SLC17A5: variants seen among roughly 807,000 people sequenced by gnomAD.
The protein encoded by SLC17A5 is solute carrier family 17 member 5.
Under a neutral mutation model 59.4 loss-of-function variants are expected in SLC17A5, and 47 were observed. The observed-to-expected ratio is 0.79, with a 90% CI of 0.63 to 1.01. SLC17A5 has a LOEUF of 1.01. Among genes scored for constraint, SLC17A5 ranks in the 50% least tolerant of loss-of-function variants. SLC17A5 has a pLI of 0.00. For synonymous variants in SLC17A5, 202 were observed against 210.7 expected (o/e 0.96, Z 0.36); for missense variants, 522 against 595.5 (o/e 0.88, Z 1.28).
At chr6:73,599,258 C>G (rs1219971347) in intron 10 of SLC17A5, among the ~76,000 whole-genome samples, 3 of 152,040 alleles carry the variant, frequency 2.0e-5, no homozygotes, top group Non-Finnish European at 4.4e-5. Context: ...CTCACCCAGG[C>G]TGGAGTGCAG....
Position 73,601,366 on chromosome 6 carries a change from G to T in SLC17A5, c.1260-925C>A, listed in dbSNP as rs1235961545. 1.5e-4 allele frequency among the ~76,000 whole-genome samples: 23 copies of T among 149,200 alleles called. No homozygotes were observed. The East Asian group carries it at 4.2e-3, about 27-fold the overall frequency. ...GCCCGGCAGCCACCCCGTCTGGGAA[G>T]TGAGGAGCGTCTCCGCCCGGCAGCC... On this transcript the variant is annotated intron_variant, in intron 9 of 10. Coordinates refer to ENST00000355773, the MANE Select transcript of SLC17A5 (RefSeq NM_012434.5).
chr6:73,601,539 A>G (rs867343823), intron 9 of SLC17A5, among the ~76,000 whole-genome samples: 174 of 68,420 alleles, frequency 2.5e-3, no homozygotes, highest in African/African-American at 7.9e-3. Flanking sequence ...CCGGCCAGCC[A>G]ACCCGTCCGG....
intron 6 of SLC17A5, among the ~76,000 whole-genome samples, chr6:73,632,381 C>G (rs16883979): frequency 0.16 from 22,106 of 139,912 alleles, 2,761 homozygotes; most frequent in African/African-American, 0.32. Context: ...CGAAGTGTGT[C>G]GAGAAACAAC....
At chr6:73,628,027 C>A (rs12213067) in intron 6 of SLC17A5, among the ~76,000 whole-genome samples, 1 of 151,618 alleles carries the variant, frequency 6.6e-6, no homozygotes, top group East Asian at 1.9e-4. Flanking sequence ...TCTAGTGATC[C>A]TCTCACCTCA....
chr6:73,612,950 G>A (rs1325358024), intron 8 of SLC17A5, among the ~76,000 whole-genome samples: 2 of 152,036 alleles, frequency 1.3e-5, no homozygotes, highest in Non-Finnish European at 2.9e-5. Flanking sequence ...CTGCTCAGGA[G>A]ACTGAGGTGG....
intron 6 of SLC17A5, among the ~76,000 whole-genome samples, chr6:73,632,893 G>T (rs924781348): frequency 6.7e-6 from 1 of 149,376 alleles, no homozygotes; most frequent in Non-Finnish European, 1.5e-5. Flanking sequence ...GGCAACATCT[G>T]TTTATAATGT....
rs565038588 is a variant in SLC17A5 at position 73,624,787 on chromosome 6, C to T, written c.820-2825G>A. On this transcript the variant is annotated intron_variant, in intron 6 of 10. Coordinates refer to ENST00000355773, the MANE Select transcript of SLC17A5 (RefSeq NM_012434.5). ...ACTTGGGAGGCTGAGGCAGGAGAAT[C>T]GCTTGAACTCAGGGAGCGGAGGTTG... 4.9e-4 allele frequency among the ~76,000 whole-genome samples: 75 copies of T among 152,072 alleles called. No homozygotes were observed. In the South Asian group the frequency reaches 7.1e-3, roughly 14 times the overall value.
rs374495608 is a variant in SLC17A5 at position 73,644,420 on chromosome 6, T to C, written c.278A>G (p.His93Arg). Residue 93 changes from histidine (H) to arginine (R), a missense_variant, in exon 2 of 11, where the codon CAT becomes CGT. This residue lies in a region of SLC17A5 where 338 missense variants were observed against 363.8 expected (regional missense o/e 0.93). Transcript: ENST00000355773. ...AATAGCACCTACCGTTTGATTATGATGAACTTTTATGGGAGCAGAATGCTC... is the reference window on the plus strand; with the variant it reads ...AATAGCACCTACCGTTTGATTATGACGAACTTTTATGGGAGCAGAATGCTC... Reference protein sequence around the residue: ...CPEHSAPIKVHHNQTGKKYQW... With the variant: ...CPEHSAPIKVRHNQTGKKYQW... 1.2e-6 allele frequency: 2 copies of C among 1,613,382 alleles called. No individual in the cohort carries two copies. The highest frequency in any genetic ancestry group is 1.3e-5 in the African/African-American group (1 of 74,904).
At chr6:73,645,861 G>A (rs1406123885) in intron 1 of SLC17A5, among the ~76,000 whole-genome samples, 3 of 151,440 alleles carry the variant, frequency 2.0e-5, no homozygotes, top group Non-Finnish European at 4.4e-5. Context: ...TGTGAGAGGA[G>A]GAGTTTGACC....
At chr6:73,645,071 A>T (rs754777872) in intron 1 of SLC17A5, among the ~76,000 whole-genome samples, 1 of 152,234 alleles carries the variant, frequency 6.6e-6, no homozygotes, top group Non-Finnish European at 1.5e-5. Flanking sequence ...GTCAGCTGGC[A>T]AAGATATACG....
intron 7 of SLC17A5, among the ~76,000 whole-genome samples, chr6:73,616,069 A>G (rs1767844902): frequency 6.6e-6 from 1 of 151,914 alleles, no homozygotes; most frequent in Non-Finnish European, 1.5e-5. Flanking sequence ...TATTTTTATT[A>G]GAGACGGAGT....
chr6:73,641,602 G>T (rs1048056963), intron 3 of SLC17A5, 89 bp downstream of exon 3: 5 of 979,140 alleles, frequency 5.1e-6, no homozygotes, highest in African/African-American at 1.6e-5. Flanking sequence ...TTATTTTTTG[G>T]TTCATATTCA....
intron 1 of SLC17A5, chr6:73,653,420 C>G (rs1365742908): frequency 2.0e-6 from 2 of 985,298 alleles, no homozygotes; most frequent in African/African-American, 3.5e-5. Flanking sequence ...TGATTCTCTC[C>G]CAGTTCGTTC....
At chr6:73,616,461 T>A (rs553557890) in intron 7 of SLC17A5, among the ~76,000 whole-genome samples, 1 of 152,038 alleles carries the variant, frequency 6.6e-6, no homozygotes, top group Non-Finnish European at 1.5e-5. Flanking sequence ...TTCCATTCAT[T>A]TTTTTCTTAC....
intron 2 of SLC17A5, among the ~76,000 whole-genome samples, chr6:73,643,937 T>C (rs901623330): frequency 3.9e-5 from 6 of 152,204 alleles, no homozygotes; most frequent in African/African-American, 1.2e-4. Context: ...ATGACTTATG[T>C]GGCTTAGGTT....
intron 5 of SLC17A5, 58 bp from the exon 6 acceptor site, chr6:73,635,558 AC>A: frequency 2.3e-6 from 2 of 872,422 alleles, no homozygotes; most frequent in East Asian, 5.4e-5. Context: ...AACAAACAAA[AC>A]AAAACAAAAA....
chr6:73,623,728 C>T (rs931797906), intron 6 of SLC17A5, among the ~76,000 whole-genome samples: 5 of 149,674 alleles, frequency 3.3e-5, no homozygotes, highest in African/African-American at 4.9e-5. Flanking sequence ...GATGGAGTCT[C>T]GCTCTGTTGC....
chr6:73,601,152 G>A (rs1378841825), intron 9 of SLC17A5, among the ~76,000 whole-genome samples: 3 of 149,030 alleles, frequency 2.0e-5, no homozygotes, highest in East Asian at 2.0e-4. Flanking sequence ...GTCTCTGCCC[G>A]GCCGCCCATC....
At chr6:73,631,051 GA>G (rs59780167) in intron 6 of SLC17A5, among the ~76,000 whole-genome samples, 17,942 of 104,468 alleles carry the variant, frequency 0.17, 1,499 homozygotes, top group African/African-American at 0.28. Context: ...TGTCTCAAAA[GA>G]AAAAAAAAAA....
Sources: gnomAD v4.1 joint callset for allele counts (sites outside exome capture counted in the v4.1 genomes callset) on GRCh38, gnomAD v4.1.1 for gene constraint, gnomAD v4.1.1 regional missense constraint, MANE v1.5 for transcripts, NCBI Gene and HGNC (gene_info 2026-07-23, HGNC 2026-07-21) for gene names.